IRAG1: variants seen among roughly 807,000 people sequenced by gnomAD.
The protein encoded by IRAG1 is IP3R-associated cGMP kinase substrate.
Under a neutral mutation model 106.2 loss-of-function variants are expected in IRAG1, and 62 were observed. That is an observed-to-expected ratio of 0.58 (90% confidence interval 0.48 to 0.72). The LOEUF is 0.72. Among genes scored for constraint, IRAG1 ranks in the 30% least tolerant of loss-of-function variants. The pLI, the probability that IRAG1 is intolerant of heterozygous loss-of-function variation, is 0.00. For synonymous variants in IRAG1, 462 were observed against 443.9 expected, an observed-to-expected ratio of 1.04 and a Z score of -0.51; for missense variants, 1,064 against 1,140.7, an observed-to-expected ratio of 0.93 and a Z score of 0.97.
intron 14 of IRAG1, 139 bp from the exon 15 acceptor site, chr11:10,601,198 G>C: frequency 2.5e-6 from 3 of 1,214,928 alleles, no homozygotes; most frequent in Non-Finnish European, 3.4e-6. Context: ...AGAGTTTGCT[G>C]TCTGCCATGT....
chr11:10,586,929 T>C (rs528960008), intron 18 of IRAG1, among the ~76,000 whole-genome samples: 23 of 152,352 alleles, frequency 1.5e-4, no homozygotes, highest in South Asian at 4.1e-4. Flanking sequence ...CTACTAGGAA[T>C]GTTGTAAAAG....
chr11:10,583,632 T>C (rs1025447387), intron 18 of IRAG1, among the ~76,000 whole-genome samples: 2 of 152,004 alleles, frequency 1.3e-5, no homozygotes, highest in African/African-American at 4.8e-5. Context: ...GGAGGGAGTG[T>C]GCAGCTGAAG....
At chr11:10,680,546 G>GAAGGAAGGAAGGAA in intron 1 of IRAG1, among the ~76,000 whole-genome samples, 2 of 140,354 alleles carry the variant, frequency 1.4e-5, no homozygotes, top group African/African-American at 5.7e-5. Flanking sequence ...GAAGGGGAAG[G>GAAGGAAGGAAGGAA]GGAAGGGGAA....
chr11:10,600,505 A>G (rs1564900527), intron 15 of IRAG1, among the ~76,000 whole-genome samples: 1 of 152,264 alleles, frequency 6.6e-6, no homozygotes, highest in Admixed American at 6.5e-5. Flanking sequence ...TCTTGATTAA[A>G]ATCATTGGCT....
At chr11:10,600,245 C>T (rs940974693) in intron 15 of IRAG1, among the ~76,000 whole-genome samples, 10 of 152,166 alleles carry the variant, frequency 6.6e-5, no homozygotes, top group Non-Finnish European at 1.3e-4. Context: ...TATAGCAATT[C>T]GTATAGAACT....
At chr11:10,680,419 GA>G (rs1861131882) in intron 1 of IRAG1, among the ~76,000 whole-genome samples, 2 of 114,122 alleles carry the variant, frequency 1.8e-5, no homozygotes, top group South Asian at 5.6e-4. Context: ...GAAAGGGAAA[GA>G]AAGAAAGAGA....
intron 18 of IRAG1, among the ~76,000 whole-genome samples, chr11:10,582,684 G>C (rs1420848439): frequency 6.6e-6 from 1 of 152,302 alleles, no homozygotes; most frequent in Non-Finnish European, 1.5e-5. Flanking sequence ...GGTTGGGTGT[G>C]GTGGCTCATG....
chr11:10,635,609 G>A (rs762405021), intron 2 of IRAG1, among the ~76,000 whole-genome samples: 4 of 152,224 alleles, frequency 2.6e-5, no homozygotes, highest in African/African-American at 9.6e-5. Flanking sequence ...TGCAAGGTAG[G>A]GAGGAGGCCT....
chr11:10,598,692 G>A (rs1338309841), intron 15 of IRAG1, among the ~76,000 whole-genome samples: 1 of 152,016 alleles, frequency 6.6e-6, no homozygotes, highest in Non-Finnish European at 1.5e-5. Flanking sequence ...AACATAAATG[G>A]GTTATTTGAA....
chr11:10,582,308 G>A (rs1851475247), intron 18 of IRAG1, among the ~76,000 whole-genome samples: 1 of 152,096 alleles, frequency 6.6e-6, no homozygotes, highest in South Asian at 2.1e-4. Context: ...AGACCAGCAC[G>A]TTTAAGGTCA....
rs1380134553 is a variant in IRAG1 at position 10,693,669 on chromosome 11, C to T, written c.-67G>A. 2.7e-6 allele frequency: 4 copies of T among 1,503,982 alleles called. No individual in the cohort carries two copies. The highest frequency in any genetic ancestry group is 2.0e-5 in the Admixed American group (1 of 50,792). The allele number at this position is 1,503,982 out of a possible 1,614,324, so 93.2% of individuals were successfully genotyped here. ...GAAGCCTCTGGCTGCAGAACCTCGGCCGCACGCCTCCTCTGAGAGGGGCTG... is the reference window on the plus strand; with the variant it reads ...GAAGCCTCTGGCTGCAGAACCTCGGTCGCACGCCTCCTCTGAGAGGGGCTG... On this transcript the variant is annotated 5_prime_UTR_variant, in exon 1 of 21. Transcript: ENST00000423302.
chr11:10,651,807 G>C (rs562554309), intron 2 of IRAG1, among the ~76,000 whole-genome samples: 1 of 152,196 alleles, frequency 6.6e-6, no homozygotes, highest in South Asian at 2.1e-4. Flanking sequence ...CTAGATGGTT[G>C]GTTCTATACC....
At position 10,574,661 on chromosome 11, in the gene IRAG1, A is replaced by G. The variant is rs560240367; in HGVS notation, c.*1671T>C. The G allele has an allele frequency of 4.6e-5, 7 of 152,328 alleles. No individual in the cohort carries two copies. Among genetic ancestry groups the G allele is most frequent in the African/African-American group, 1.7e-4 (7 of 41,574 alleles). The allele number at this position is 152,328 out of a possible 1,614,324, so 9.4% of individuals were successfully genotyped here. A position where few individuals can be genotyped will look rare whatever the true frequency, so the allele number is the denominator to read the frequency against. On this transcript the variant is annotated 3_prime_UTR_variant, in exon 21 of 21. Transcript: ENST00000423302. ...GAAGAAAAGAGAAGAACAGCTGGAA[A>G]AAAAACTAGTGAGTGGAGGTCCAGC...
chr11:10,616,715 A>G (rs989821358), intron 10 of IRAG1, among the ~76,000 whole-genome samples: 1 of 152,182 alleles, frequency 6.6e-6, no homozygotes, highest in African/African-American at 2.4e-5. Context: ...TCAAACAAGT[A>G]TATCTAGTAT....
chr11:10,606,042 G>A lies in IRAG1; in HGVS notation c.1602+700C>T, dbSNP rs1854444850. Among the ~76,000 whole-genome samples the A allele has an allele frequency of 2.6e-5, 4 of 152,332 alleles. No individual in the cohort carries two copies. In the South Asian group the frequency reaches 8.3e-4, roughly 32 times the overall value. Reference sequence around the variant, plus strand: ...CTGGTTAGGATCAGCTGAAAGGATGGCTATGCGTGTGTTATAGACTGCAAG... The same window carrying A: ...CTGGTTAGGATCAGCTGAAAGGATGACTATGCGTGTGTTATAGACTGCAAG... On this transcript the variant is annotated intron_variant, in intron 12 of 20. Coordinates refer to ENST00000423302, the MANE Select transcript of IRAG1 (RefSeq NM_130385.4).
rs1859008840 is a variant in IRAG1 at position 10,657,435 on chromosome 11, G to GACCAAACTCCTCTCTGAT, written c.68-5254_68-5253insATCAGAGAGGAGTTTGGT. Among the ~76,000 whole-genome samples, 1 of 152,154 alleles carries GACCAAACTCCTCTCTGAT rather than the reference G, an allele frequency of 6.6e-6. No homozygotes were observed. The highest frequency in any genetic ancestry group is 1.5e-5 in the Non-Finnish European group (1 of 68,032). On this transcript the variant is annotated intron_variant, in intron 1 of 20. Transcript: ENST00000423302. The surrounding 1 kb of genome is among the most constrained non-coding windows in gnomAD (Gnocchi z 4.1). ...AGAGCCTTGCAACCTGCCTAGGAGA[G>GACCAAACTCCTCTCTGAT]ACCAAACTCCTCTCTGAAACCACAG...
rs930954792 is a variant in IRAG1 at position 10,630,021 on chromosome 11, C to G, written c.401-310G>C. On this transcript the variant is annotated intron_variant, in intron 4 of 20. Transcript: ENST00000423302. ...GGAGCCTTACCTCCGGCACCATCTG[C>G]GCCCCCAGTGCATTCTTGCTTCTGG... 3 of 315,482 alleles carry G rather than the reference C, an allele frequency of 9.5e-6. No homozygotes were observed. In the South Asian group the frequency reaches 1.9e-4, roughly 20 times the overall value. The allele number at this position is 315,482 out of a possible 1,614,324, so 19.5% of individuals were successfully genotyped here.
intron 4 of IRAG1, 105 bp downstream of exon 4, chr11:10,631,886 G>A (rs934223458): frequency 8.9e-5 from 79 of 882,952 alleles, no homozygotes; most frequent in Admixed American, 2.8e-4. Context: ...TGGACTTATC[G>A]GGAGGGAGCG....
chr11:10,668,971 C>T (rs1214525105), intron 1 of IRAG1, among the ~76,000 whole-genome samples: 1 of 152,190 alleles, frequency 6.6e-6, no homozygotes, highest in Non-Finnish European at 1.5e-5. Flanking sequence ...AAACCCAGCA[C>T]TCTGTGCTTT....
Sources: gnomAD v4.1 joint callset for allele counts (sites outside exome capture counted in the v4.1 genomes callset) on GRCh38, gnomAD v4.1.1 for gene constraint, Gnocchi (gnomAD v3.1) non-coding constraint, MANE v1.5 for transcripts, NCBI Gene and HGNC (gene_info 2026-07-23, HGNC 2026-07-21) for gene names.